Variants in CSMD1 observed in about 807,000 individuals in gnomAD.
The protein encoded by CSMD1 is CUB and sushi domain-containing protein 1.
CSMD1 carries 213 observed loss-of-function variants against 417.5 expected under a neutral mutation model. The observed-to-expected ratio is 0.51, with a 90% CI of 0.46 to 0.57. The LOEUF is 0.57. Among genes scored for constraint, CSMD1 ranks in the 20% least tolerant of loss-of-function variants. CSMD1 has a pLI of 0.00. For synonymous variants in CSMD1, 2,862 were observed against 1,736.8 expected, an observed-to-expected ratio of 1.65 and a Z score of -16.11; for missense variants, 6,923 against 4,529.7, an observed-to-expected ratio of 1.53 and a Z score of -15.17.
intron 7 of CSMD1, among the ~76,000 whole-genome samples, chr8:3,707,950 T>C (rs1385828452): frequency 6.6e-6 from 1 of 152,202 alleles, no homozygotes; most frequent in Non-Finnish European, 1.5e-5. Flanking sequence ...TCTGCAGATC[T>C]TGTTTTCTCT....
At chr8:4,025,228 G>A (rs760043345) in intron 4 of CSMD1, among the ~76,000 whole-genome samples, 3 of 152,124 alleles carry the variant, frequency 2.0e-5, no homozygotes, top group Non-Finnish European at 4.4e-5. Context: ...TCATGGAGGA[G>A]GATTTTCTAA....
At chr8:3,666,264 G>T (rs567854064) in intron 7 of CSMD1, among the ~76,000 whole-genome samples, 2 of 151,886 alleles carry the variant, frequency 1.3e-5, no homozygotes, top group Non-Finnish European at 2.9e-5. Context: ...TTCCTCACAG[G>T]TCTTATCTTT....
chr8:3,247,255 G>A (rs1585784105), intron 26 of CSMD1, among the ~76,000 whole-genome samples: 1 of 152,166 alleles, frequency 6.6e-6, no homozygotes, highest in Admixed American at 6.5e-5. Context: ...CGATGTGGGT[G>A]GTAGCTGTGG....
At chr8:4,973,696 G>A (rs1309187685) in intron 1 of CSMD1, among the ~76,000 whole-genome samples, 1 of 152,118 alleles carries the variant, frequency 6.6e-6, no homozygotes, top group African/African-American at 2.4e-5. Flanking sequence ...CATAAGCAGA[G>A]CTCTTCAAGG....
intron 7 of CSMD1, among the ~76,000 whole-genome samples, chr8:3,663,052 A>C (rs1798500960): frequency 6.6e-6 from 1 of 152,136 alleles, no homozygotes; most frequent in African/African-American, 2.4e-5. Context: ...CAGTGGGAAT[A>C]AAGGAAAATG....
At chr8:4,084,716 G>C (rs996126221) in intron 3 of CSMD1, among the ~76,000 whole-genome samples, 5 of 152,018 alleles carry the variant, frequency 3.3e-5, no homozygotes, top group Admixed American at 3.3e-4. Context: ...AACAGAAAAA[G>C]CAGCCCCTCT....
rs767668610 is a variant in CSMD1 at position 3,817,252 on chromosome 8, C to CTTT, written c.819-63213_819-63211dup. 3.3e-4 allele frequency among the ~76,000 whole-genome samples: 18 copies of CTTT among 54,388 alleles called. 5 individuals carry two copies. Among genetic ancestry groups the CTTT allele is most frequent in the South Asian group, 8.3e-4 (1 of 1,200 alleles). The allele number at this position is 54,388 out of a possible 152,430, so 35.7% of individuals were successfully genotyped here. On this transcript the variant is annotated intron_variant, in intron 5 of 69. Coordinates refer to ENST00000635120, the MANE Select transcript of CSMD1 (RefSeq NM_033225.6). Reference sequence around the variant, plus strand: ...TCCAAAGTGGTCATATCTTCTTCTTCTTTTTTTTTTTTTTTTTTTTTTTTT... The same window carrying CTTT: ...TCCAAAGTGGTCATATCTTCTTCTTCTTTTTTTTTTTTTTTTTTTTTTTTTTTT...
intron 52 of CSMD1, among the ~76,000 whole-genome samples, chr8:3,018,002 C>G (rs971499918): frequency 3.3e-5 from 5 of 151,910 alleles, no homozygotes; most frequent in African/African-American, 1.2e-4. Context: ...AAACATTTTT[C>G]AATCCATTTT....
chr8:3,295,250 G>A (rs373862665), intron 25 of CSMD1, among the ~76,000 whole-genome samples: 5 of 151,848 alleles, frequency 3.3e-5, no homozygotes, highest in Non-Finnish European at 7.4e-5. Flanking sequence ...TCAGCCTCCC[G>A]AGTAGCTGGG....
chr8:4,861,305 C>G (rs1802116463), intron 1 of CSMD1, among the ~76,000 whole-genome samples: 1 of 152,090 alleles, frequency 6.6e-6, no homozygotes. Context: ...TAATCGTGAA[C>G]TTACATCCAT....
chr8:4,547,469 T>A (rs1303942213), intron 2 of CSMD1, among the ~76,000 whole-genome samples: 1 of 152,220 alleles, frequency 6.6e-6, no homozygotes, highest in Non-Finnish European at 1.5e-5. Context: ...ACTTTCATTA[T>A]ATGCAGCAGC....
At chr8:4,173,136 G>C (rs1270009477) in intron 3 of CSMD1, among the ~76,000 whole-genome samples, 1 of 152,160 alleles carries the variant, frequency 6.6e-6, no homozygotes, top group African/African-American at 2.4e-5. Context: ...AGTGCAACAA[G>C]TATAGGGTTG....
intron 5 of CSMD1, among the ~76,000 whole-genome samples, chr8:3,782,836 G>A (rs900722645): frequency 6.6e-6 from 1 of 152,098 alleles, no homozygotes; most frequent in African/African-American, 2.4e-5. Context: ...GAACACTTAT[G>A]GAGCGACTTT....
At position 3,623,393 on chromosome 8, in the gene CSMD1, C is replaced by G. The variant is rs868697146; in HGVS notation, c.1010-6596G>C. Among the ~76,000 whole-genome samples the G allele has an allele frequency of 9.2e-5, 14 of 152,206 alleles. 1 individual carries two copies. Among genetic ancestry groups the G allele is most frequent in the Middle Eastern group, 6.8e-3 (2 of 294 alleles). ...ACTATAGAAGTAGATCAGGTGCCAT[C>G]ATGAATAAAGCAAGTGTCTGAAAAG... On this transcript the variant is annotated intron_variant, in intron 7 of 69. Coordinates refer to ENST00000635120, the MANE Select transcript of CSMD1 (RefSeq NM_033225.6).
intron 3 of CSMD1, among the ~76,000 whole-genome samples, chr8:4,238,478 G>A (rs1002552807): frequency 5.9e-5 from 9 of 152,164 alleles, no homozygotes; most frequent in African/African-American, 1.4e-4. Context: ...CTGCCTTAGG[G>A]TAAGGAGGCA....
chr8:3,391,393 G>C (rs56021261), intron 17 of CSMD1, among the ~76,000 whole-genome samples: 2 of 152,102 alleles, frequency 1.3e-5, no homozygotes, highest in East Asian at 3.9e-4. Flanking sequence ...TCATACCCTT[G>C]AGAATTCCAT....
intron 5 of CSMD1, among the ~76,000 whole-genome samples, chr8:3,935,731 TG>T (rs1563228818): frequency 6.6e-6 from 1 of 152,156 alleles, no homozygotes; most frequent in Admixed American, 6.5e-5. Context: ...CCTCCTTCAT[TG>T]GGCCTCGCTA....
Position 4,158,557 on chromosome 8 carries a change from A to C in CSMD1, c.416-126458T>G, listed in dbSNP as rs544158906. ...TAACACAGCCGCTAGGTTGTGTCCT[A>C]GGTTCACTATGACAGAACAGTCCTC... On this transcript the variant is annotated intron_variant, in intron 3 of 69. Coordinates refer to ENST00000635120, the MANE Select transcript of CSMD1 (RefSeq NM_033225.6). Among the ~76,000 whole-genome samples, 39 of 152,288 alleles carry C rather than the reference A, an allele frequency of 2.6e-4. 1 individual carries two copies. In the Middle Eastern group the frequency reaches 0.01, roughly 40 times the overall value.
At chr8:4,468,732 G>C (rs1156704258) in intron 2 of CSMD1, among the ~76,000 whole-genome samples, 1 of 152,158 alleles carries the variant, frequency 6.6e-6, no homozygotes, top group African/African-American at 2.4e-5. Context: ...CTTAGGGAGA[G>C]CCTACTCTGG....
Sources: gnomAD v4.1 joint callset for allele counts (sites outside exome capture counted in the v4.1 genomes callset) on GRCh38, gnomAD v4.1.1 for gene constraint, MANE v1.5 for transcripts, NCBI Gene and HGNC (gene_info 2026-07-23, HGNC 2026-07-21) for gene names.